GRID2: variants seen among roughly 807,000 people sequenced by gnomAD.
The protein encoded by GRID2 is glutamate ionotropic receptor delta type subunit 2.
GRID2 carries 33 observed loss-of-function variants against 114.8 expected under a neutral mutation model. The observed-to-expected ratio is 0.29, with a 90% CI of 0.22 to 0.38. The LOEUF is 0.38. Among genes scored for constraint, GRID2 ranks in the 10% least tolerant of loss-of-function variants. The probability of loss-of-function intolerance (pLI) is 1.00; values close to 1 mark genes in which losing one functional copy is unlikely to be tolerated. For missense variants in GRID2, 1,184 were observed against 1,257.7 expected (o/e 0.94, Z 0.89); for synonymous variants, 505 against 449.9 (o/e 1.12, Z -1.55).
chr4:93,170,756 G>A (rs1454032175), intron 4 of GRID2, among the ~76,000 whole-genome samples: 2 of 151,928 alleles, frequency 1.3e-5, no homozygotes, highest in South Asian at 2.1e-4. Context: ...TTACATACCC[G>A]ACTGCCTATT....
At chr4:92,368,576 T>A (rs914651664) in intron 1 of GRID2, among the ~76,000 whole-genome samples, 3 of 152,134 alleles carry the variant, frequency 2.0e-5, no homozygotes, top group Non-Finnish European at 4.4e-5. Context: ...TGGATTTTTT[T>A]AAATTCTGTG....
intron 2 of GRID2, among the ~76,000 whole-genome samples, chr4:92,865,153 C>T (rs1329289350): frequency 6.6e-6 from 1 of 152,114 alleles, no homozygotes; most frequent in Non-Finnish European, 1.5e-5. Flanking sequence ...TATATAATCC[C>T]TGGAATTATT....
intron 1 of GRID2, among the ~76,000 whole-genome samples, chr4:92,583,223 A>G (rs1728264133): frequency 1.3e-5 from 2 of 152,082 alleles, no homozygotes; most frequent in Admixed American, 6.6e-5. Context: ...AATAATGTCT[A>G]TGAGCCACTT....
At chr4:92,637,508 T>G (rs79912178) in intron 2 of GRID2, among the ~76,000 whole-genome samples, 1 of 152,188 alleles carries the variant, frequency 6.6e-6, no homozygotes, top group Non-Finnish European at 1.5e-5. Context: ...AAGGACCACA[T>G]AACTTGTATC....
At chr4:93,305,178 G>T (rs188006190) in intron 8 of GRID2, among the ~76,000 whole-genome samples, 1 of 152,142 alleles carries the variant, frequency 6.6e-6, no homozygotes, top group East Asian at 1.9e-4. Flanking sequence ...ATGGGGCAAA[G>T]CTCATAGAAA....
intron 13 of GRID2, among the ~76,000 whole-genome samples, chr4:93,560,671 G>T (rs1221723343): frequency 1.3e-5 from 2 of 152,094 alleles, no homozygotes; most frequent in African/African-American, 4.8e-5. Context: ...GTAGAGACAG[G>T]ATTTTGCTGG....
intron 2 of GRID2, among the ~76,000 whole-genome samples, chr4:93,044,390 C>T (rs1725924491): frequency 6.6e-6 from 1 of 151,394 alleles, no homozygotes; most frequent in African/African-American, 2.4e-5. Flanking sequence ...TCCAAAAACA[C>T]TTAGCTAAAG....
At chr4:92,718,761 CAAA>C (rs3077559) in intron 2 of GRID2, among the ~76,000 whole-genome samples, 1 of 41,784 alleles carries the variant, frequency 2.4e-5, no homozygotes, top group Non-Finnish European at 4.5e-5. Context: ...AGACCCTGTC[CAAA>C]AAAAAAAAAA....
intron 2 of GRID2, among the ~76,000 whole-genome samples, chr4:92,902,524 G>A (rs1201513630): frequency 3.3e-5 from 5 of 151,984 alleles, no homozygotes; most frequent in Admixed American, 6.6e-5. Flanking sequence ...TGTTTTGTTT[G>A]TGTTACATTT....
At chr4:93,500,939 T>G (rs1331832468) in intron 12 of GRID2, among the ~76,000 whole-genome samples, 7 of 152,020 alleles carry the variant, frequency 4.6e-5, no homozygotes, top group African/African-American at 1.7e-4. Flanking sequence ...CCACTTCACA[T>G]CTACCTCACT....
chr4:93,677,236 G>A (rs933172330), intron 14 of GRID2, among the ~76,000 whole-genome samples: 21 of 152,320 alleles, frequency 1.4e-4, no homozygotes, highest in Admixed American at 2.6e-4. Flanking sequence ...AGGGGCGCCC[G>A]CCATTGCCCA....
At chr4:93,224,018 T>G (rs1350598904) in intron 6 of GRID2, among the ~76,000 whole-genome samples, 4 of 152,158 alleles carry the variant, frequency 2.6e-5, no homozygotes, top group Admixed American at 6.6e-5. Context: ...CAATGAATTG[T>G]AATGCATGTG....
intron 10 of GRID2, among the ~76,000 whole-genome samples, chr4:93,430,680 A>T (rs1338765707): frequency 6.6e-6 from 1 of 152,248 alleles, no homozygotes; most frequent in East Asian, 1.9e-4. Flanking sequence ...CCTTGAAGAG[A>T]TCTTGTCTTA....
chr4:93,624,626 C>T (rs1183973316), intron 13 of GRID2, among the ~76,000 whole-genome samples: 1 of 151,996 alleles, frequency 6.6e-6, no homozygotes, highest in African/African-American at 2.4e-5. Flanking sequence ...TGTTGTCACC[C>T]CAGTAACATT....
intron 2 of GRID2, among the ~76,000 whole-genome samples, chr4:93,024,612 T>C (rs1378372029): frequency 1.3e-5 from 2 of 151,764 alleles, no homozygotes; most frequent in Admixed American, 6.6e-5. Context: ...ATTTTAAAGG[T>C]TACATTAGTT....
At chr4:93,481,800 G>A (rs2149447562) in intron 11 of GRID2, among the ~76,000 whole-genome samples, 1 of 152,100 alleles carries the variant, frequency 6.6e-6, no homozygotes, top group African/African-American at 2.4e-5. Context: ...ATTTAAGAAG[G>A]AAGTGTTTCT....
chr4:92,779,186 A>G (rs969861222), intron 2 of GRID2, among the ~76,000 whole-genome samples: 25 of 147,262 alleles, frequency 1.7e-4, no homozygotes, highest in South Asian at 2.2e-4. Flanking sequence ...TAGTAAGTAA[A>G]TGTGTGTGTG....
intron 2 of GRID2, among the ~76,000 whole-genome samples, chr4:93,007,504 A>T (rs1276146985): frequency 6.6e-6 from 1 of 152,164 alleles, no homozygotes; most frequent in African/African-American, 2.4e-5. Context: ...GAGCTAAGGT[A>T]CCTTTCTGGC....
At chr4:93,166,134 T>A (rs1174862483) in intron 4 of GRID2, 1 of 152,144 alleles carries the variant, frequency 6.6e-6, no homozygotes, top group Non-Finnish European at 1.5e-5. Flanking sequence ...AAGAGAGAAT[T>A]GGAGCTAGCA....
Sources: allele counts gnomAD v4.1 joint callset (sites outside exome capture counted in the v4.1 genomes callset), GRCh38; gene constraint gnomAD v4.1.1; transcripts MANE v1.5; gene names NCBI Gene and HGNC (gene_info 2026-07-23, HGNC 2026-07-21).